ZNF623: variants seen among roughly 807,000 people sequenced by gnomAD.
ZNF623 encodes zinc finger protein 623.
In ZNF623, 16 loss-of-function variants were observed where a neutral mutation model predicts 24.0. The observed-to-expected ratio is 0.67, with a 90% CI of 0.45 to 1.01. ZNF623 has a LOEUF of 1.01. ZNF623 is among the 50% of genes least tolerant of loss of function. The pLI, the probability that ZNF623 is intolerant of heterozygous loss-of-function variation, is 0.00. For missense variants in ZNF623, 566 were observed against 606.5 expected (o/e 0.93, Z 0.70); for synonymous variants, 224 against 219.8 (o/e 1.02, Z -0.17).
chr8:143,649,370 C>T (rs1219633483), intron 1 of ZNF623, among the ~76,000 whole-genome samples: 1 of 151,980 alleles, frequency 6.6e-6, no homozygotes, highest in Non-Finnish European at 1.5e-5. Context: ...TGGGCTTTCC[C>T]ATCCAAGTAT....
Position 143,650,226 on chromosome 8 carries a change from A to G in ZNF623, c.234A>G (p.Ile78Met). 4 of 1,614,242 alleles carry G rather than the reference A, an allele frequency of 2.5e-6. No individual in the cohort carries two copies. The highest frequency in any genetic ancestry group is 3.4e-6 in the Non-Finnish European group (4 of 1,180,044). ...SDLLLLQREL[I>M]EGEANPCDIC... is the part of the protein sequence containing the mutation. ...TTCTTCTGCTTCAGAGAGAGCTCATAGAGGGGGAAGCCAATCCTTGCGATA... is the reference window on the plus strand; with the variant it reads ...TTCTTCTGCTTCAGAGAGAGCTCATGGAGGGGGAAGCCAATCCTTGCGATA... The change falls in exon 2 of 2, where the codon ATA becomes ATG. Residue 78 changes from isoleucine (I) to methionine (M), a missense_variant. Coordinates refer to ENST00000526926, the MANE Select transcript of ZNF623 (RefSeq NM_001261843.2). The surrounding 1 kb of genome is among the most constrained non-coding windows in gnomAD (Gnocchi z 5.2).
chr8:143,646,833 T>G (rs1162219357), intron 1 of ZNF623, among the ~76,000 whole-genome samples: 2 of 152,096 alleles, frequency 1.3e-5, no homozygotes, highest in African/African-American at 4.8e-5. Context: ...TGGCTGTTTT[T>G]AAAAATGTTT....
At position 143,651,459 on chromosome 8, in the gene ZNF623, G is replaced by A; in HGVS notation, c.1467G>A (p.Lys489=). Residue 489 remains lysine (K), a synonymous_variant, in exon 2 of 2, where the codon AAG becomes AAA. Coordinates refer to ENST00000526926, the MANE Select transcript of ZNF623 (RefSeq NM_001261843.2). ...ATTTGGGTGAGAGGTCTGTAGATAA[G>A]GGGGAACACACAGGTAACTTATAAA... ...PIHLGERSVD[K]GEHTGNL The A allele has an allele frequency of 6.3e-7, 1 of 1,582,854 alleles. No homozygotes were observed. The highest frequency in any genetic ancestry group is 8.6e-7 in the Non-Finnish European group (1 of 1,168,126).
At chr8:143,640,579 T>G (rs1815026022) in intron 1 of ZNF623, among the ~76,000 whole-genome samples, 1 of 152,188 alleles carries the variant, frequency 6.6e-6, no homozygotes. Context: ...ATTTCAACAG[T>G]GTTCACGGCA....
In ZNF623 at chr8:143,650,619, A is replaced by C. The variant is rs2131458283; in HGVS notation, c.627A>C (p.Leu209Phe). 2 of 1,613,010 alleles carry C rather than the reference A, an allele frequency of 1.2e-6. No individual in the cohort carries two copies. Among genetic ancestry groups the C allele is most frequent in the South Asian group, 2.2e-5 (2 of 91,014 alleles). The change falls in exon 2 of 2, where the codon TTA becomes TTC. Residue 209 changes from leucine to phenylalanine, a missense_variant. Physicochemically the swap from Leu to Phe is conservative, Grantham distance 22. Around this residue, in one of 3 missense-constraint regions of ZNF623, gnomAD observed 313 missense variants for 300.4 expected, o/e 1.04. Transcript: ENST00000526926. This position sits in a 1 kb window ranked among gnomAD's most constrained non-coding sequence, Gnocchi z 5.2. ...GGAAAGGCTTCAGTCAGAGCTCCTT[A>C]CTTATTCGCCATCAGAGGATTCACA... ...ECGKGFSQSS[L>F]LIRHQRIHTG...
chr8:143,643,638 C>T lies in ZNF623; in HGVS notation c.-95-6260C>T, dbSNP rs543337884. Among the ~76,000 whole-genome samples, 5 of 152,336 alleles carry T rather than the reference C, an allele frequency of 3.3e-5. No homozygotes were observed. In the East Asian group the frequency reaches 9.6e-4, roughly 29 times the overall value. Reference sequence around the variant, plus strand: ...TGTGACTCAGGGCACCACCATGTGCCCCTGCCAGTGACAGTGTCTCCTGAA... The same window carrying T: ...TGTGACTCAGGGCACCACCATGTGCTCCTGCCAGTGACAGTGTCTCCTGAA... On this transcript the variant is annotated intron_variant, in intron 1 of 1. Coordinates refer to ENST00000526926, the MANE Select transcript of ZNF623 (RefSeq NM_001261843.2).
rs1815350545 is a variant in ZNF623, at chr8:143,652,405, T to A, written c.*922T>A. 6.0e-6 allele frequency: 1 copy of A among 167,086 alleles called. No individual in the cohort carries two copies. Among genetic ancestry groups the A allele is most frequent in the Non-Finnish European group, 1.5e-5 (1 of 68,124 alleles). 10.4% of individuals were successfully genotyped at this position (167,086 alleles called of 1,614,324 possible). ...ATGTGTAATTGGCATCTCTCTTGCT[T>A]TGTCCTTTCTATACTGCCATTCTAA... On this transcript the variant is annotated 3_prime_UTR_variant, in exon 2 of 2. Transcript: ENST00000526926.
chr8:143,637,695 A>G (rs1294850934), intron 1 of ZNF623, among the ~76,000 whole-genome samples: 1 of 152,134 alleles, frequency 6.6e-6, no homozygotes, highest in East Asian at 1.9e-4. Context: ...GACTACAGGC[A>G]CACGGCACCA....
intron 1 of ZNF623, among the ~76,000 whole-genome samples, chr8:143,644,024 T>G (rs368987846): frequency 2.0e-5 from 3 of 152,120 alleles, no homozygotes; most frequent in South Asian, 2.1e-4. Flanking sequence ...TTTTGGTTTT[T>G]GTTTTTTATT....
chr8:143,653,613 T>C lies in ZNF623; in HGVS notation c.*2130T>C. ...CCCACTCCAGCCCCAGATAACCACT[T>C]TCTATCCTCATAGATTAGTGTTGCT... is the stretch of plus-strand genomic sequence containing the variant. On this transcript the variant is annotated 3_prime_UTR_variant, in exon 2 of 2. Transcript: ENST00000526926. The C allele has an allele frequency of 6.0e-6, 1 of 167,206 alleles. No individual in the cohort carries two copies. 10.4% of individuals were successfully genotyped at this position (167,206 alleles called of 1,614,324 possible).
At position 143,651,523 on chromosome 8, in the gene ZNF623, G is replaced by A. The variant is rs1253817754; in HGVS notation, c.*40G>A. ...CGCCCAGTGAGTGATGTTTGGAAAT[G>A]CGTGGAATTAGGATTCATGTGGTTT... On this transcript the variant is annotated 3_prime_UTR_variant, in exon 2 of 2. Transcript: ENST00000526926. The A allele has an allele frequency of 1.3e-6, 2 of 1,525,018 alleles. No individual in the cohort carries two copies. The highest frequency in any genetic ancestry group is 1.8e-6 in the Non-Finnish European group (2 of 1,138,738). 94.5% of individuals were successfully genotyped at this position (1,525,018 alleles called of 1,614,324 possible).
At chr8:143,648,626 G>C (rs2131454083) in intron 1 of ZNF623, among the ~76,000 whole-genome samples, 1 of 152,148 alleles carries the variant, frequency 6.6e-6, no homozygotes, top group Admixed American at 6.5e-5. Flanking sequence ...TCAGGATGGA[G>C]GAGAGGGATG....
chr8:143,645,257 C>CAT (rs946022387), intron 1 of ZNF623, among the ~76,000 whole-genome samples: 13 of 152,170 alleles, frequency 8.5e-5, no homozygotes, highest in Admixed American at 1.3e-4. Context: ...TCCTGGCTAA[C>CAT]GGTGAAACCC....
chr8:143,642,954 A>C (rs1223956449), intron 1 of ZNF623, among the ~76,000 whole-genome samples: 4 of 152,152 alleles, frequency 2.6e-5, no homozygotes, highest in Non-Finnish European at 5.9e-5. Context: ...TACTGTCATG[A>C]AGAGACTTGC....
At chr8:143,645,673 C>T (rs774361949) in intron 1 of ZNF623, among the ~76,000 whole-genome samples, 9 of 152,114 alleles carry the variant, frequency 5.9e-5, no homozygotes, top group South Asian at 2.1e-4. Context: ...TCCCCACGGC[C>T]GCCTGCTTTC....
chr8:143,650,793 T>A lies in ZNF623; in HGVS notation c.801T>A (p.Ile267=). The change falls in exon 2 of 2, where the codon ATT becomes ATA. Residue 267 remains isoleucine, a synonymous_variant. Transcript: ENST00000526926. This position sits in a 1 kb window ranked among gnomAD's most constrained non-coding sequence, Gnocchi z 5.2. ...GKAFRHRSDL[I]EHQRIHTGER... is the part of the protein sequence containing the mutation. ...CATTCCGTCATCGCTCAGACCTTATTGAACACCAGAGAATTCACACCGGAG... is the reference window on the plus strand; with the variant it reads ...CATTCCGTCATCGCTCAGACCTTATAGAACACCAGAGAATTCACACCGGAG... 1 of 1,614,110 alleles carries A rather than the reference T, an allele frequency of 6.2e-7. No individual in the cohort carries two copies. The highest frequency in any genetic ancestry group is 8.5e-7 in the Non-Finnish European group (1 of 1,180,018).
chr8:143,650,052 G>T lies in ZNF623; in HGVS notation c.60G>T (p.Leu20Phe). The change falls in exon 2 of 2, where the codon TTG (leucine) becomes TTT (phenylalanine). Residue 20 changes from leucine to phenylalanine, a missense_variant. Around this residue, in one of 3 missense-constraint regions of ZNF623, gnomAD observed 313 missense variants for 300.4 expected, o/e 1.04. Transcript: ENST00000526926. The surrounding 1 kb of genome is among the most constrained non-coding windows in gnomAD (Gnocchi z 5.2). ...EVHEPRLGEL[L>F]GNPEGQSLGS... Reference sequence around the variant, plus strand: ...ACGAGCCCAGATTAGGGGAGCTCTTGGGAAATCCAGAAGGTCAGAGCCTGG... The same window carrying T: ...ACGAGCCCAGATTAGGGGAGCTCTTTGGAAATCCAGAAGGTCAGAGCCTGG... 6.2e-7 allele frequency: 1 copy of T among 1,614,138 alleles called. No homozygotes were observed. Among genetic ancestry groups the T allele is most frequent in the African/African-American group, 1.3e-5 (1 of 75,046 alleles).
intron 1 of ZNF623, among the ~76,000 whole-genome samples, chr8:143,642,310 G>A (rs1587326060): frequency 6.6e-6 from 1 of 152,196 alleles, no homozygotes; most frequent in African/African-American, 2.4e-5. Context: ...TAGAATTGAG[G>A]ACGGTTAGGA....
chr8:143,652,271 C>T lies in ZNF623; in HGVS notation c.*788C>T, dbSNP rs1457393288. The T allele has an allele frequency of 6.0e-6, 1 of 167,154 alleles. No homozygotes were observed. Among genetic ancestry groups the T allele is most frequent in the East Asian group, 1.9e-4 (1 of 5,212 alleles). 10.4% of individuals were successfully genotyped at this position (167,154 alleles called of 1,614,324 possible). On this transcript the variant is annotated 3_prime_UTR_variant, in exon 2 of 2. Transcript: ENST00000526926. ...GCATATGTCAGAATGATGTGATAGACTATCTCTGTCACTATGCTGTTGGGT... is the reference window on the plus strand; with the variant it reads ...GCATATGTCAGAATGATGTGATAGATTATCTCTGTCACTATGCTGTTGGGT...
Sources: allele counts gnomAD v4.1 joint callset (sites outside exome capture counted in the v4.1 genomes callset), GRCh38; gene constraint gnomAD v4.1.1; regional missense constraint gnomAD v4.1.1; non-coding constraint Gnocchi (gnomAD v3.1); transcripts MANE v1.5; gene names NCBI Gene and HGNC (gene_info 2026-07-23, HGNC 2026-07-21).